The following DNAAF1 variants were observed in gnomAD, a reference collection of about 807,000 sequenced individuals.
DNAAF1 encodes dynein axonemal assembly factor 1.
In DNAAF1, 65 loss-of-function variants were observed where a neutral mutation model predicts 71.1. That is an observed-to-expected ratio of 0.91 (90% CI 0.75 to 1.12). The LOEUF (loss-of-function observed/expected upper bound fraction) is 1.12. DNAAF1 is among the 50% of genes most tolerant of loss of function. The pLI, the probability that DNAAF1 is intolerant of heterozygous loss-of-function variation, is 0.00. For missense variants in DNAAF1, 1,178 were observed against 899.8 expected (o/e 1.31, Z -3.96); for synonymous variants, 414 against 354.6 (o/e 1.17, Z -1.88).
intron 5 of DNAAF1, among the ~76,000 whole-genome samples, chr16:84,159,420 T>G (rs1266558472): frequency 6.6e-6 from 1 of 152,196 alleles, no homozygotes. Context: ...CCAGTATTGT[T>G]CTGGAGGGAC....
intron 6 of DNAAF1, 69 bp downstream of exon 6, chr16:84,159,865 T>A: frequency 1.3e-6 from 2 of 1,576,346 alleles, no homozygotes; most frequent in Non-Finnish European, 1.7e-6. Context: ...TATTAAACTT[T>A]TTAAATTTCT....
chr16:84,153,868 C>T (rs2087292431), intron 3 of DNAAF1, among the ~76,000 whole-genome samples: 3 of 152,136 alleles, frequency 2.0e-5, no homozygotes, highest in African/African-American at 4.8e-5. Context: ...ACCCCCACCT[C>T]CACCCACTCC....
chr16:84,166,252 C>A, intron 7 of DNAAF1, among the ~76,000 whole-genome samples: 1 of 151,916 alleles, frequency 6.6e-6, no homozygotes, highest in African/African-American at 2.4e-5. Flanking sequence ...GGGATTTCGC[C>A]ATGTTGTCCA....
chr16:84,176,181 G>T lies in DNAAF1; in HGVS notation c.1947G>T (p.Glu649Asp). ...AGTCCCCAAGACCCCTGATCCAGGA[G>T]CTCAGCGACGAGGACCCCTCTGGCC... The part of the protein sequence containing the change: ...DTKSPRPLIQ[E>D]LSDEDPSGQL... Residue 649 changes from glutamate to aspartate, a missense_variant, in exon 11 of 12, where the codon GAG becomes GAT. Physicochemically the swap from Glu to Asp is conservative, Grantham distance 45. Transcript: ENST00000378553. The T allele has an allele frequency of 2.5e-6, 4 of 1,614,058 alleles. No homozygotes were observed. The highest frequency in any genetic ancestry group is 2.5e-6 in the Non-Finnish European group (3 of 1,180,040).
intron 1 of DNAAF1, among the ~76,000 whole-genome samples, chr16:84,147,318 C>A (rs1267871485): frequency 2.6e-5 from 4 of 152,178 alleles, no homozygotes; most frequent in Non-Finnish European, 5.9e-5. Context: ...CCAGTCCCCA[C>A]ACGCACAGCC....
Position 84,170,002 on chromosome 16 carries a change from GAAAAGCCAAGT to G in DNAAF1, c.1175_1185del (p.Glu392GlyfsTer9). 9 of 1,613,942 alleles carry G rather than the reference GAAAAGCCAAGT, an allele frequency of 5.6e-6. No homozygotes were observed. Among genetic ancestry groups the G allele is most frequent in the Non-Finnish European group, 7.6e-6 (9 of 1,180,024 alleles). The stretch of plus-strand genomic sequence containing the variant: ...TGAGGCCAAGGACGAGCTCTGCCCG[GAAAAGCCAAGT>G]GGAGAGGAGCCGCCTGTGGAGGCTA... On this transcript the variant is annotated frameshift_variant, in exon 8 of 12. Transcript: ENST00000378553. LOFTEE classifies it high-confidence loss of function.
chr16:84,172,578 T>G (rs896634362), intron 9 of DNAAF1: 22 of 1,397,370 alleles, frequency 1.6e-5, no homozygotes, highest in Non-Finnish European at 2.0e-5. Flanking sequence ...TTTCATGCAC[T>G]GCCCTAGGTG....
intron 6 of DNAAF1, among the ~76,000 whole-genome samples, chr16:84,161,022 G>A (rs1234642158): frequency 6.6e-6 from 1 of 152,130 alleles, no homozygotes; most frequent in Non-Finnish European, 1.5e-5. Flanking sequence ...CCCAGGTCTG[G>A]GGGTGGTAAG....
intron 6 of DNAAF1, chr16:84,162,133 A>G (rs1485914082): frequency 6.6e-6 from 1 of 152,204 alleles, no homozygotes; most frequent in Non-Finnish European, 1.5e-5. Flanking sequence ...CTGCTATAGT[A>G]TACTTTGCAA....
In DNAAF1 at chr16:84,145,334, C is replaced by T. The variant is rs562677186; in HGVS notation, c.-107C>T. On this transcript the variant is annotated 5_prime_UTR_variant, in exon 1 of 12. Transcript: ENST00000378553. ...TAAAGACTAGGGCGCCAGCGGCTGG[C>T]GAAGAAGGAAAGAGGGTACTCTCTG... 29 of 1,512,632 alleles carry T rather than the reference C, an allele frequency of 1.9e-5. No individual in the cohort carries two copies. The South Asian group carries it at 3.5e-4, about 18-fold the overall frequency. The allele number at this position is 1,512,632 out of a possible 1,614,324, so 93.7% of individuals were successfully genotyped here. A position where few individuals can be genotyped will look rare whatever the true frequency, so the allele number is the denominator to read the frequency against.
intron 2 of DNAAF1, among the ~76,000 whole-genome samples, chr16:84,149,577 G>C (rs1054073786): frequency 4.0e-5 from 6 of 150,672 alleles, no homozygotes; most frequent in Middle Eastern, 3.4e-3. Flanking sequence ...TGTAATCCCA[G>C]CTACTTGGGA....
At chr16:84,166,740 C>G (rs2088028242) in intron 7 of DNAAF1, among the ~76,000 whole-genome samples, 1 of 152,154 alleles carries the variant, frequency 6.6e-6, no homozygotes, top group Non-Finnish European at 1.5e-5. Context: ...ACCTACCTGC[C>G]AGCACCAGTG....
At chr16:84,155,895 G>T (rs753279874) in intron 5 of DNAAF1, 146 bp downstream of exon 5, 10 of 1,107,142 alleles carry the variant, frequency 9.0e-6, no homozygotes, top group Non-Finnish European at 1.2e-5. Context: ...GTTTTTAGCT[G>T]GAGTATCTGA....
At chr16:84,175,747 C>A in intron 10 of DNAAF1, 186 bp from the exon 11 acceptor site, 1 of 674,484 alleles carries the variant, frequency 1.5e-6, no homozygotes, top group Non-Finnish European at 2.6e-6. Context: ...TAGACATGAG[C>A]TGTGCCCAGG....
At chr16:84,150,156 T>G in intron 2 of DNAAF1, 95 bp from the exon 3 acceptor site, 2 of 887,232 alleles carry the variant, frequency 2.3e-6, no homozygotes, top group Non-Finnish European at 3.8e-6. Context: ...TGTTATAGAA[T>G]TTTGGGCAGG....
chr16:84,159,909 C>G (rs185661341), intron 6 of DNAAF1, 113 bp downstream of exon 6: 1 of 1,312,268 alleles, frequency 7.6e-7, no homozygotes, highest in African/African-American at 1.5e-5. Context: ...CAAAAATGTT[C>G]TTTGGAAATA....
At chr16:84,157,510 C>CAAA (rs59707812) in intron 5 of DNAAF1, among the ~76,000 whole-genome samples, 2 of 82,342 alleles carry the variant, frequency 2.4e-5, no homozygotes, top group Admixed American at 1.4e-4. Flanking sequence ...GACACTGTGT[C>CAAA]AAAAAAAAAA....
Position 84,175,990 on chromosome 16 carries a change from G to C in DNAAF1, c.1756G>C (p.Glu586Gln). Reference sequence around the variant, plus strand: ...GAGCTTGAGTGATGACAGTGACCCTGAACTGGACTACACGTCACTCCCTGT... The same window carrying C: ...GAGCTTGAGTGATGACAGTGACCCTCAACTGGACTACACGTCACTCCCTGT... Reference protein sequence around the residue: ...ISSLSDDSDPELDYTSLPVLE... With the variant: ...ISSLSDDSDPQLDYTSLPVLE... The change falls in exon 11 of 12, where the codon GAA becomes CAA. Residue 586 changes from glutamate (E) to glutamine (Q), a missense_variant. By Grantham distance (29) the Glu-to-Gln change is conservative. Coordinates refer to ENST00000378553, the MANE Select transcript of DNAAF1 (RefSeq NM_178452.6). 1.2e-6 allele frequency: 2 copies of C among 1,614,112 alleles called. No individual in the cohort carries two copies. Among genetic ancestry groups the C allele is most frequent in the Non-Finnish European group, 1.7e-6 (2 of 1,179,976 alleles).
chr16:84,146,178 A>G (rs1054473654), intron 1 of DNAAF1, among the ~76,000 whole-genome samples: 6 of 152,168 alleles, frequency 3.9e-5, no homozygotes, highest in African/African-American at 1.4e-4. Flanking sequence ...CCCCAGCCCT[A>G]ACCCACCACG....
Sources: gnomAD v4.1 joint callset for allele counts (sites outside exome capture counted in the v4.1 genomes callset) on GRCh38, gnomAD v4.1.1 for gene constraint, MANE v1.5 for transcripts, NCBI Gene and HGNC (gene_info 2026-07-23, HGNC 2026-07-21) for gene names.